The following EYS variants were observed in gnomAD, a reference collection of about 807,000 sequenced individuals.
EYS encodes EGF-like photoreceptor maintenance factor, also known as protein eyes shut homolog.
Under a neutral mutation model 282.1 loss-of-function variants are expected in EYS, and 250 were observed. The ratio of observed to expected loss-of-function variants is 0.89; its 90% CI spans 0.80 to 0.98. The LOEUF is 0.98. EYS is among the 50% of genes least tolerant of loss of function. The pLI is 0.00. For synonymous variants in EYS, 1,355 were observed against 1,282.9 expected (o/e 1.06, Z -1.20); for missense variants, 4,016 against 3,709.0 (o/e 1.08, Z -2.15).
chr6:65,013,953 G>A (rs1029588139), intron 13 of EYS, among the ~76,000 whole-genome samples: 4 of 152,154 alleles, frequency 2.6e-5, no homozygotes, highest in Admixed American at 2.6e-4. Context: ...AAAGATTGTG[G>A]ATATAATTAA....
intron 2 of EYS, among the ~76,000 whole-genome samples, chr6:65,597,042 C>T (rs1765433496): frequency 6.6e-6 from 1 of 152,086 alleles, no homozygotes; most frequent in Non-Finnish European, 1.5e-5. Context: ...AAGTTCAAAA[C>T]ATACTAATGC....
At chr6:64,691,851 A>T (rs1770396655) in intron 22 of EYS, among the ~76,000 whole-genome samples, 1 of 152,204 alleles carries the variant, frequency 6.6e-6, no homozygotes, top group South Asian at 2.1e-4. Context: ...ATATGGTAGC[A>T]TAGTATTCCA....
intron 1 of EYS, among the ~76,000 whole-genome samples, chr6:65,677,989 G>A (rs1002646106): frequency 3.9e-5 from 6 of 152,068 alleles, no homozygotes; most frequent in African/African-American, 1.4e-4. Flanking sequence ...TGGAGGCTGG[G>A]TAATTTATAA....
chr6:65,064,965 G>T (rs1199249525), intron 12 of EYS, among the ~76,000 whole-genome samples: 1 of 152,104 alleles, frequency 6.6e-6, no homozygotes. Flanking sequence ...TAATTTTAAT[G>T]TTCACCTCTA....
chr6:64,784,472 G>C (rs1478852504), intron 22 of EYS, among the ~76,000 whole-genome samples: 1 of 152,020 alleles, frequency 6.6e-6, no homozygotes, highest in Non-Finnish European at 1.5e-5. Context: ...TAGCTATCTT[G>C]CTTATTGTCT....
intron 29 of EYS, among the ~76,000 whole-genome samples, chr6:64,330,573 G>T (rs1258176332): frequency 6.6e-6 from 1 of 152,098 alleles, no homozygotes; most frequent in South Asian, 2.1e-4. Flanking sequence ...CAGGAGTCTT[G>T]GTACAAAAAC....
At chr6:64,972,111 A>G (rs1770314935) in intron 14 of EYS, among the ~76,000 whole-genome samples, 1 of 152,162 alleles carries the variant, frequency 6.6e-6, no homozygotes, top group African/African-American at 2.4e-5. Context: ...TTAGCAGAAG[A>G]CCACCTGATG....
intron 22 of EYS, among the ~76,000 whole-genome samples, chr6:64,762,776 C>A (rs966664924): frequency 6.6e-6 from 1 of 152,036 alleles, no homozygotes; most frequent in Non-Finnish European, 1.5e-5. Flanking sequence ...TTTTTCTTTG[C>A]AATACTGATT....
At chr6:64,767,543 T>G (rs1436876500) in intron 22 of EYS, among the ~76,000 whole-genome samples, 1 of 152,258 alleles carries the variant, frequency 6.6e-6, no homozygotes, top group Non-Finnish European at 1.5e-5. Flanking sequence ...ATAGATAACT[T>G]TCTGTTTCTG....
At chr6:63,833,750 A>G (rs1771716285) in intron 36 of EYS, among the ~76,000 whole-genome samples, 2 of 152,236 alleles carry the variant, frequency 1.3e-5, no homozygotes, top group Admixed American at 1.3e-4. Context: ...CCACATTGCC[A>G]AGACAATCCT....
intron 12 of EYS, among the ~76,000 whole-genome samples, chr6:65,147,532 C>T (rs895764816): frequency 6.6e-5 from 10 of 151,994 alleles, no homozygotes; most frequent in Admixed American, 1.3e-4. Flanking sequence ...CTTATGATTA[C>T]ATAATGTCTC....
At chr6:64,047,160 T>G (rs941209253) in intron 33 of EYS, among the ~76,000 whole-genome samples, 1 of 149,400 alleles carries the variant, frequency 6.7e-6, no homozygotes, top group African/African-American at 2.5e-5. Flanking sequence ...CCATCTCTAA[T>G]TTTAAAGTGT....
intron 2 of EYS, among the ~76,000 whole-genome samples, chr6:65,512,795 TA>T (rs1296198038): frequency 1.3e-5 from 2 of 151,624 alleles, no homozygotes; most frequent in African/African-American, 2.4e-5. Flanking sequence ...AAGCAGTGTG[TA>T]GAGGGAAATT....
chr6:65,476,536 T>C (rs1397276243), intron 5 of EYS, among the ~76,000 whole-genome samples: 1 of 152,124 alleles, frequency 6.6e-6, no homozygotes, highest in Non-Finnish European at 1.5e-5. Flanking sequence ...CAAATCTTTA[T>C]CTTGAATCAG....
At chr6:64,248,764 A>G (rs1255512396) in intron 30 of EYS, among the ~76,000 whole-genome samples, 3 of 152,126 alleles carry the variant, frequency 2.0e-5, no homozygotes, top group African/African-American at 7.2e-5. Flanking sequence ...TCAACATATC[A>G]AAAAGATCGG....
chr6:65,247,634 A>T (rs976840659), intron 12 of EYS, among the ~76,000 whole-genome samples: 4 of 152,066 alleles, frequency 2.6e-5, no homozygotes, highest in African/African-American at 9.7e-5. Flanking sequence ...CAATGATCTC[A>T]CTATGCATTC....
At chr6:63,848,156 T>C (rs2149701215) in intron 36 of EYS, among the ~76,000 whole-genome samples, 1 of 152,206 alleles carries the variant, frequency 6.6e-6, no homozygotes, top group African/African-American at 2.4e-5. Context: ...CCGTAAAACA[T>C]ACATGCATGT....
chr6:64,264,268 G>T (rs6927333), intron 30 of EYS, among the ~76,000 whole-genome samples: 105,626 of 151,964 alleles, frequency 0.7, 36,738 homozygotes, highest in African/African-American at 0.72. Flanking sequence ...CTCACAATTC[G>T]GCAGGTTGCT....
chr6:64,945,695 T>C (rs1004349000), intron 15 of EYS, 98 bp downstream of exon 15: 60 of 1,104,982 alleles, frequency 5.4e-5, no homozygotes, highest in Non-Finnish European at 7.3e-5. Context: ...GTTATTTTAA[T>C]TAAATGTATC....
Sources: gnomAD v4.1 joint callset for allele counts (sites outside exome capture counted in the v4.1 genomes callset) on GRCh38, gnomAD v4.1.1 for gene constraint, MANE v1.5 for transcripts, NCBI Gene and HGNC (gene_info 2026-07-23, HGNC 2026-07-21) for gene names.